The following ZNF718 variants were observed in gnomAD, a reference collection of about 807,000 sequenced individuals.
ZNF718 encodes zinc finger protein 718.
In ZNF718, 3 loss-of-function variants were observed where a neutral mutation model predicts 2.6. The ratio of observed to expected loss-of-function variants is 1.16; its 90% confidence interval spans 0.53 to 3.01. ZNF718 has a LOEUF of 3.01. Among genes scored for constraint, ZNF718 ranks in the 30% most tolerant of loss-of-function variants. The probability of loss-of-function intolerance (pLI) is 0.03; values close to 1 mark genes in which losing one functional copy is unlikely to be tolerated. For missense variants in ZNF718, 468 were observed against 230.0 expected, an observed-to-expected ratio of 2.03 and a Z score of -6.69; for synonymous variants, 135 against 77.9, an observed-to-expected ratio of 1.73 and a Z score of -3.86.
rs184460188 is a variant in ZNF718 at position 196,887 on chromosome 4, T to C, written c.227-4194T>C. ...ATTTTCCTCCAATTCTAAGGAAGGA[T>C]AGGACAGAATAGCAAGTGAAAGTGG... On this transcript the variant is annotated intron_variant and NMD_transcript_variant, in intron 3 of 4. Transcript: ENST00000642529. 1.1e-3 allele frequency among the ~76,000 whole-genome samples: 161 copies of C among 151,792 alleles called. 1 individual carries two copies. The highest frequency in any genetic ancestry group is 3.6e-3 in the African/African-American group (151 of 41,518).
At chr4:124,961 G>C in intron 1 of ZNF718, 1 of 375,210 alleles carries the variant, frequency 2.7e-6, no homozygotes, top group Non-Finnish European at 5.0e-6. Context: ...GTGCCGGCGT[G>C]GGAGGAGCTG....
At chr4:151,936 C>G (rs1716342638) in intron 3 of ZNF718, among the ~76,000 whole-genome samples, 1 of 150,904 alleles carries the variant, frequency 6.6e-6, no homozygotes, top group Admixed American at 6.6e-5. Context: ...GTGGGTGTTT[C>G]TCAAAGAGGG....
At chr4:172,655 CCTT>C (rs1266429969) in intron 3 of ZNF718, among the ~76,000 whole-genome samples, 1 of 152,056 alleles carries the variant, frequency 6.6e-6, no homozygotes, top group African/African-American at 2.4e-5. Context: ...ATAGTAAACA[CCTT>C]CTTCAAACAA....
At chr4:155,426 G>T (rs1716527513) in intron 3 of ZNF718, among the ~76,000 whole-genome samples, 1 of 152,190 alleles carries the variant, frequency 6.6e-6, no homozygotes, top group African/African-American at 2.4e-5. Flanking sequence ...AGCCACAGGG[G>T]TGGAGCTGCT....
At chr4:142,256 T>G (rs1239903627) in intron 3 of ZNF718, among the ~76,000 whole-genome samples, 8 of 152,220 alleles carry the variant, frequency 5.3e-5, no homozygotes, top group Admixed American at 4.6e-4. Context: ...ACTCTTACCT[T>G]TGAATTTTTT....
At position 124,617 on chromosome 4, in the gene ZNF718, GC is replaced by G; in HGVS notation, c.-52del. The G allele has an allele frequency of 6.2e-7, 1 of 1,602,758 alleles. No individual in the cohort carries two copies. The highest frequency in any genetic ancestry group is 8.5e-7 in the Non-Finnish European group (1 of 1,178,618). Reference sequence around the variant, plus strand: ...CTCAGCCTCTGTGGCTCTGTGACCTGCCGGTATTGGATGATTCGTATCTAAG... The same window carrying G: ...CTCAGCCTCTGTGGCTCTGTGACCTGCGGTATTGGATGATTCGTATCTAAG... On this transcript the variant is annotated 5_prime_UTR_variant, in exon 1 of 4. Transcript: ENST00000510175.
intron 3 of ZNF718, among the ~76,000 whole-genome samples, chr4:193,068 G>T (rs1353878654): frequency 1.3e-5 from 2 of 152,188 alleles, no homozygotes; most frequent in African/African-American, 4.8e-5. Flanking sequence ...ATCCTGAGGG[G>T]AGGAAACTAT....
intron 3 of ZNF718, among the ~76,000 whole-genome samples, chr4:171,607 G>A (rs11727678): frequency 0.47 from 71,874 of 152,006 alleles, 17,400 homozygotes; most frequent in South Asian, 0.53. Flanking sequence ...TGTGCTAGCA[G>A]TGAGTGAGGC....
At chr4:170,783 T>C (rs1024535954) in intron 3 of ZNF718, among the ~76,000 whole-genome samples, 26 of 152,172 alleles carry the variant, frequency 1.7e-4, no homozygotes, top group Non-Finnish European at 2.2e-4. Context: ...TTCTTTGCCA[T>C]GGGTTCGAAC....
chr4:185,522 T>C (rs1717550375), intron 3 of ZNF718, among the ~76,000 whole-genome samples: 1 of 152,164 alleles, frequency 6.6e-6, no homozygotes, highest in Non-Finnish European at 1.5e-5. Flanking sequence ...CAGTTCCACT[T>C]AATTTAGGGC....
chr4:167,462 T>C (rs1050304381), downstream of ZNF718, among the ~76,000 whole-genome samples: 1 of 152,200 alleles, frequency 6.6e-6, no homozygotes, highest in Non-Finnish European at 1.5e-5. Context: ...TTTCATGATA[T>C]TGATTCTTCC....
Position 160,993 on chromosome 4 carries a change from A to G in ZNF718, c.308A>G (p.His103Arg), listed in dbSNP as rs553729552. The G allele has an allele frequency of 4.5e-5, 35 of 781,040 alleles. No individual in the cohort carries two copies. The Admixed American group carries it at 5.4e-4, about 12-fold the overall frequency. The allele number at this position is 781,040 out of a possible 1,614,324, so 48.4% of individuals were successfully genotyped here. A position where few individuals can be genotyped will look rare whatever the true frequency, so the allele number is the denominator to read the frequency against. Residue 103 changes from histidine to arginine, a missense_variant, in exon 4 of 4, where the codon CAT becomes CGT. By Grantham distance (29) the His-to-Arg change is conservative. Coordinates refer to ENST00000510175, the MANE Select transcript of ZNF718 (RefSeq NM_001039127.6). ...DSFHKLIPKG[H>R]EKRGHENLRK... ...TTCCACAAACTTATACCAAAAGGAC[A>G]TGAGAAACGTGGACATGAGAATTTA...
downstream of ZNF718, among the ~76,000 whole-genome samples, chr4:168,505 TATTA>T (rs1422057818): frequency 6.6e-6 from 1 of 152,222 alleles, no homozygotes; most frequent in African/African-American, 2.4e-5. Flanking sequence ...GTTGGTAAGC[TATTA>T]ATTATTGCCT....
intron 3 of ZNF718, among the ~76,000 whole-genome samples, chr4:157,848 AT>A (rs1716645156): frequency 6.6e-6 from 1 of 152,082 alleles, no homozygotes; most frequent in South Asian, 2.1e-4. Context: ...GTTAGGCATA[AT>A]TTTTTAATAC....
In ZNF718 at chr4:182,431, T is replaced by G. The variant is rs542922119; in HGVS notation, c.227-18650T>G. Among the ~76,000 whole-genome samples the G allele has an allele frequency of 5.4e-3, 810 of 151,330 alleles. 2 individuals are homozygous for G. The highest frequency in any genetic ancestry group is 0.014 in the Middle Eastern group (4 of 294). On this transcript the variant is annotated intron_variant and NMD_transcript_variant, in intron 3 of 4. Transcript: ENST00000642529. ...ATTTATTTATTTATTTATTTATTTATTTATTTATTTATTTATTTTTGAGAC... is the reference window on the plus strand; with the variant it reads ...ATTTATTTATTTATTTATTTATTTAGTTATTTATTTATTTATTTTTGAGAC...
At chr4:184,648 T>C (rs1320937084) in intron 3 of ZNF718, among the ~76,000 whole-genome samples, 4 of 152,150 alleles carry the variant, frequency 2.6e-5, no homozygotes, top group Non-Finnish European at 5.9e-5. Flanking sequence ...GTCCTGGGCT[T>C]TTTTTGGTCA....
At chr4:164,492 A>G (rs1553816361), downstream of ZNF718, among the ~76,000 whole-genome samples, 1 of 152,062 alleles carries the variant, frequency 6.6e-6, no homozygotes, top group East Asian at 1.9e-4. Context: ...TCCTTGTGCA[A>G]ATTATCTGTT....
At chr4:133,177 T>TAAAAAAAA (rs1189716766) in intron 3 of ZNF718, among the ~76,000 whole-genome samples, 3 of 12,532 alleles carry the variant, frequency 2.4e-4, no homozygotes, top group Non-Finnish European at 4.1e-4. Context: ...GACTCCATCT[T>TAAAAAAAA]AAAAAAAAAA....
intron 3 of ZNF718, among the ~76,000 whole-genome samples, chr4:159,123 G>C (rs536899597): frequency 1.3e-5 from 2 of 149,680 alleles, no homozygotes; most frequent in South Asian, 2.1e-4. Flanking sequence ...TGCAACCTCT[G>C]CCTCCTGGGT....
Sources: allele counts gnomAD v4.1 joint callset (sites outside exome capture counted in the v4.1 genomes callset), GRCh38; gene constraint gnomAD v4.1.1; transcripts MANE v1.5; gene names NCBI Gene and HGNC (gene_info 2026-07-23, HGNC 2026-07-21).